The following ATP2B2 variants were observed in gnomAD, a reference collection of about 807,000 sequenced individuals.
ATP2B2 encodes plasma membrane calcium-transporting ATPase 2.
Under a neutral mutation model 120.0 loss-of-function variants are expected in ATP2B2, and 15 were observed. The ratio of observed to expected loss-of-function variants is 0.12; its 90% confidence interval spans 0.08 to 0.19. ATP2B2 has a LOEUF of 0.19. ATP2B2 is among the 10% of genes least tolerant of loss of function. The pLI, the probability that ATP2B2 is intolerant of heterozygous loss-of-function variation, is 1.00. For missense variants in ATP2B2, 1,045 were observed against 1,719.8 expected, an observed-to-expected ratio of 0.61 and a Z score of 6.94; for synonymous variants, 694 against 700.3, an observed-to-expected ratio of 0.99 and a Z score of 0.14.
At chr3:10,580,948 T>A (rs1260578506) in intron 2 of ATP2B2, among the ~76,000 whole-genome samples, 1 of 152,252 alleles carries the variant, frequency 6.6e-6, no homozygotes, top group Non-Finnish European at 1.5e-5. Flanking sequence ...CTGAAATATG[T>A]AATCTGGCCT....
intron 2 of ATP2B2, among the ~76,000 whole-genome samples, chr3:10,535,374 G>A (rs975171118): frequency 4.7e-5 from 7 of 147,552 alleles, no homozygotes; most frequent in Non-Finnish European, 8.9e-5. Flanking sequence ...GCGCTTGCAT[G>A]CAGCAGTTTG....
chr3:10,533,948 T>C (rs1224397418), intron 3 of ATP2B2: 1 of 152,356 alleles, frequency 6.6e-6, no homozygotes, highest in African/African-American at 2.4e-5. Flanking sequence ...ACTGGGTTCC[T>C]GCTCAGTTGA....
At chr3:10,549,842 G>A (rs2067630854) in intron 2 of ATP2B2, among the ~76,000 whole-genome samples, 5 of 152,204 alleles carry the variant, frequency 3.3e-5, no homozygotes, top group Non-Finnish European at 4.4e-5. Flanking sequence ...ACAGGGTGGT[G>A]AACAATGGCC....
intron 1 of ATP2B2, among the ~76,000 whole-genome samples, chr3:10,460,814 C>A (rs185157237): frequency 6.6e-6 from 1 of 152,298 alleles, no homozygotes; most frequent in Admixed American, 6.5e-5. Flanking sequence ...GTGGTCCTTT[C>A]CTTCTGATTT....
chr3:10,340,470 G>A lies in ATP2B2; in HGVS notation c.3129+23C>T, dbSNP rs368936389. On this transcript the variant is annotated intron_variant, in intron 20 of 22. Coordinates refer to ENST00000360273, the MANE Select transcript of ATP2B2 (RefSeq NM_001001331.4). This position sits in a 1 kb window ranked among gnomAD's most constrained non-coding sequence, Gnocchi z 5.0. Reference sequence around the variant, plus strand: ...GCCGCTTGCTGCCCACCCCGGGCCTGGTTAGGGTGGGGGCCTCACTACCTG... The same window carrying A: ...GCCGCTTGCTGCCCACCCCGGGCCTAGTTAGGGTGGGGGCCTCACTACCTG... 906 of 1,614,086 alleles carry A rather than the reference G, an allele frequency of 5.6e-4. 1 individual carries two copies. Among genetic ancestry groups the A allele is most frequent in the Non-Finnish European group, 7.3e-4 (865 of 1,180,004 alleles).
At chr3:10,480,331 G>A (rs138596535) in intron 1 of ATP2B2, among the ~76,000 whole-genome samples, 93 of 152,280 alleles carry the variant, frequency 6.1e-4, no homozygotes, top group African/African-American at 2.1e-3. Flanking sequence ...AAAGTGTCGA[G>A]CACCAAATAG....
intron 2 of ATP2B2, among the ~76,000 whole-genome samples, chr3:10,619,357 G>A (rs2069483418): frequency 6.6e-6 from 1 of 152,112 alleles, no homozygotes; most frequent in South Asian, 2.1e-4. Flanking sequence ...AGGCTCCCAG[G>A]CCCCATCCAG....
Position 10,370,459 on chromosome 3 carries a change from G to A in ATP2B2, c.1659+1350C>T, listed in dbSNP as rs73811897. On this transcript the variant is annotated intron_variant, in intron 12 of 22. Coordinates refer to ENST00000360273, the MANE Select transcript of ATP2B2 (RefSeq NM_001001331.4). ...GGTGGGGGAAGAAGACAAAAACGTC[G>A]TCATGTTTGGCATCACCGCCAGGGT... Among the ~76,000 whole-genome samples, 1,333 of 152,340 alleles carry A rather than the reference G, an allele frequency of 8.8e-3. 14 individuals are homozygous for A. The highest frequency in any genetic ancestry group is 0.03 in the African/African-American group (1,262 of 41,574).
At chr3:10,494,281 T>G (rs772311652) in intron 1 of ATP2B2, among the ~76,000 whole-genome samples, 10 of 152,300 alleles carry the variant, frequency 6.6e-5, no homozygotes, top group Middle Eastern at 6.8e-3. Flanking sequence ...AGAGATTCCC[T>G]TGCATCAGGC....
chr3:10,531,354 C>T (rs1187832626), intron 3 of ATP2B2, among the ~76,000 whole-genome samples: 3 of 152,206 alleles, frequency 2.0e-5, no homozygotes, highest in African/African-American at 7.2e-5. Flanking sequence ...CTTCTTCCAC[C>T]TGCACTTCAT....
intron 10 of ATP2B2, 84 bp downstream of exon 10, chr3:10,378,168 G>T: frequency 6.5e-7 from 1 of 1,536,428 alleles, no homozygotes; most frequent in Non-Finnish European, 8.7e-7. Context: ...TGCAGATGAG[G>T]TAACTGAGGC....
intron 1 of ATP2B2, among the ~76,000 whole-genome samples, chr3:10,632,749 GAC>G (rs1423913600): frequency 6.6e-6 from 1 of 152,208 alleles, no homozygotes; most frequent in African/African-American, 2.4e-5. Context: ...TGGCTCTGGG[GAC>G]ACAGCCCTGC....
intron 1 of ATP2B2, among the ~76,000 whole-genome samples, chr3:10,498,609 C>T (rs1006524214): frequency 3.9e-5 from 6 of 152,210 alleles, no homozygotes; most frequent in Non-Finnish European, 8.8e-5. Flanking sequence ...CAAAATGGTC[C>T]CGGGGCAGCC....
intron 2 of ATP2B2, among the ~76,000 whole-genome samples, chr3:10,417,069 C>CGGGGGG (rs1227824259): frequency 1.1e-5 from 1 of 93,362 alleles, no homozygotes; most frequent in East Asian, 2.7e-4. Flanking sequence ...CAGACGGCGG[C>CGGGGGG]GGGGGGGGGC....
chr3:10,401,139 T>A, intron 4 of ATP2B2, 61 bp from the exon 5 acceptor site: 1 of 1,602,002 alleles, frequency 6.2e-7, no homozygotes, highest in Non-Finnish European at 8.5e-7. Context: ...GCTGGAACAT[T>A]CCCTTAAAGG....
At chr3:10,446,973 T>G (rs779484412) in intron 2 of ATP2B2, among the ~76,000 whole-genome samples, 4 of 152,260 alleles carry the variant, frequency 2.6e-5, no homozygotes, top group Admixed American at 6.5e-5. Context: ...TAAGAAATGC[T>G]GCTGTAGGCC....
intron 1 of ATP2B2, among the ~76,000 whole-genome samples, chr3:10,498,587 C>T (rs1412804941): frequency 6.6e-6 from 1 of 152,224 alleles, no homozygotes; most frequent in Non-Finnish European, 1.5e-5. Context: ...GATGACGCCC[C>T]CATGGCTCCC....
intron 1 of ATP2B2, among the ~76,000 whole-genome samples, chr3:10,478,145 G>T (rs761067013): frequency 6.6e-6 from 1 of 152,030 alleles, no homozygotes; most frequent in African/African-American, 2.4e-5. Flanking sequence ...AGCATTTTTC[G>T]CATGCTTATT....
chr3:10,554,186 CTT>C (rs1483409881), intron 2 of ATP2B2, among the ~76,000 whole-genome samples: 1 of 152,126 alleles, frequency 6.6e-6, no homozygotes, highest in African/African-American at 2.4e-5. Context: ...CATCCTCTCA[CTT>C]TGTTTTCAAA....
Sources: gnomAD v4.1 joint callset for allele counts (sites outside exome capture counted in the v4.1 genomes callset) on GRCh38, gnomAD v4.1.1 for gene constraint, Gnocchi (gnomAD v3.1) non-coding constraint, MANE v1.5 for transcripts, NCBI Gene and HGNC (gene_info 2026-07-23, HGNC 2026-07-21) for gene names.